The following RANBP3 variants were observed in gnomAD, a reference collection of about 807,000 sequenced individuals.
RANBP3 encodes the protein ran-binding protein 3.
Under a neutral mutation model 77.3 loss-of-function variants are expected in RANBP3, and 14 were observed. The observed-to-expected ratio is 0.18, with a 90% CI of 0.12 to 0.28. The LOEUF (loss-of-function observed/expected upper bound fraction) is 0.28, where lower values mean the gene tolerates loss of function less well. RANBP3 is among the 10% of genes least tolerant of loss of function. RANBP3 has a pLI of 1.00. For missense variants in RANBP3, 586 were observed against 752.3 expected, an observed-to-expected ratio of 0.78 and a Z score of 2.59; for synonymous variants, 315 against 312.4, an observed-to-expected ratio of 1.01 and a Z score of -0.09.
At chr19:5,942,106 G>A (rs2058145437) in intron 3 of RANBP3, among the ~76,000 whole-genome samples, 1 of 152,116 alleles carries the variant, frequency 6.6e-6, no homozygotes, top group Admixed American at 6.6e-5. Flanking sequence ...TTCTCCACAG[G>A]TTACGCTAAC....
intron 5 of RANBP3, among the ~76,000 whole-genome samples, chr19:5,939,793 C>G (rs577877542): frequency 1.3e-5 from 2 of 152,316 alleles, no homozygotes; most frequent in Admixed American, 6.5e-5. Context: ...GGTCTCCAGC[C>G]CGACGGCCTT....
Position 5,932,571 on chromosome 19 carries a change from T to C in RANBP3, c.473-27A>G, listed in dbSNP as rs563624595. ...TAGGAACAGAAGGCGGCCTTCCCAG[T>C]GCCCGTGGACCCCTGCCTGCCCCCA... On this transcript the variant is annotated intron_variant, in intron 6 of 16. Coordinates refer to ENST00000340578, the MANE Select transcript of RANBP3 (RefSeq NM_007322.3). 11 of 1,598,096 alleles carry C rather than the reference T, an allele frequency of 6.9e-6. No homozygotes were observed. The South Asian group carries it at 9.9e-5, about 14-fold the overall frequency.
chr19:5,923,627 C>T (rs1019326307), intron 12 of RANBP3, among the ~76,000 whole-genome samples, 185 bp downstream of exon 12: 1 of 152,184 alleles, frequency 6.6e-6, no homozygotes, highest in Non-Finnish European at 1.5e-5. Context: ...GCGACACAGG[C>T]CCTCGAGTTC....
At chr19:5,951,349 G>T in intron 3 of RANBP3, 44 bp downstream of exon 3, 1 of 1,518,422 alleles carries the variant, frequency 6.6e-7, no homozygotes, top group Middle Eastern at 2.2e-4. Flanking sequence ...GTCTGGGTTG[G>T]GCTCCCCCTG....
intron 12 of RANBP3, 31 bp from the exon 13 acceptor site, chr19:5,923,334 G>A (rs2057852545): frequency 1.3e-6 from 2 of 1,599,532 alleles, no homozygotes; most frequent in Non-Finnish European, 1.7e-6. Context: ...AAGACTGACT[G>A]ATTATTTGGC....
At chr19:5,933,655 G>A (rs538311439) in intron 5 of RANBP3, 176 bp from the exon 6 acceptor site, 144 of 545,198 alleles carry the variant, frequency 2.6e-4, no homozygotes, top group Admixed American at 1.5e-3. Flanking sequence ...CCTGGAAGGC[G>A]CCTGGAGGAG....
At chr19:5,964,112 T>G (rs867194608) in intron 1 of RANBP3, among the ~76,000 whole-genome samples, 28 of 152,210 alleles carry the variant, frequency 1.8e-4, no homozygotes, top group African/African-American at 6.7e-4. Context: ...CTCAACCCAC[T>G]TGTGAGGCTC....
Position 5,951,502 on chromosome 19 carries a change from G to T in RANBP3, c.173C>A (p.Ala58Asp). The stretch of plus-strand genomic sequence containing the variant: ...AGGAGGTTCTAGGGCATGCTCGCCA[G>T]CTGACTCGGGGTGACCCGTGCCATG... ...PHHGTGHPESAGEHALEPPAP... is the reference protein window; with the variant it reads ...PHHGTGHPESDGEHALEPPAP... Residue 58 changes from alanine (A) to aspartate (D), a missense_variant, in exon 3 of 17, where the codon GCT becomes GAT. Around this residue, in one of 5 missense-constraint regions of RANBP3, gnomAD observed 172 missense variants for 183.4 expected, o/e 0.94. Coordinates refer to ENST00000340578, the MANE Select transcript of RANBP3 (RefSeq NM_007322.3). The T allele has an allele frequency of 1.2e-6, 2 of 1,611,302 alleles. No individual in the cohort carries two copies. Among genetic ancestry groups the T allele is most frequent in the Non-Finnish European group, 1.7e-6 (2 of 1,178,394 alleles).
intron 13 of RANBP3, 59 bp downstream of exon 13, chr19:5,923,135 G>C: frequency 1.4e-6 from 2 of 1,385,090 alleles, no homozygotes; most frequent in South Asian, 2.3e-5. Context: ...CAGCCCTTGC[G>C]GTTGGACCCC....
intron 1 of RANBP3, among the ~76,000 whole-genome samples, chr19:5,969,206 G>A (rs1395798320): frequency 6.6e-6 from 1 of 152,178 alleles, no homozygotes; most frequent in African/African-American, 2.4e-5. Flanking sequence ...AAAGGTTGGG[G>A]CCCAGGCTCT....
At position 5,921,972 on chromosome 19, in the gene RANBP3, T is replaced by G. The variant is rs561351135; in HGVS notation, c.1210-651A>C. ...AGGCCACATAGTGCGTTGATGCCATTTATATGAAATGTCAAGGACAGGCAA... is the reference window on the plus strand; with the variant it reads ...AGGCCACATAGTGCGTTGATGCCATGTATATGAAATGTCAAGGACAGGCAA... On this transcript the variant is annotated intron_variant, in intron 13 of 16. Transcript: ENST00000340578. This position sits in a 1 kb window ranked among gnomAD's most constrained non-coding sequence, Gnocchi z 5.3. Among the ~76,000 whole-genome samples the G allele has an allele frequency of 6.6e-6, 1 of 152,188 alleles. No individual in the cohort carries two copies. Among genetic ancestry groups the G allele is most frequent in the Admixed American group, 6.5e-5 (1 of 15,292 alleles).
chr19:5,918,720 A>G, intron 14 of RANBP3, 82 bp from the exon 15 acceptor site: 1 of 1,524,136 alleles, frequency 6.6e-7, no homozygotes. Context: ...AACACAGTCC[A>G]GATGGAAAGC....
chr19:5,943,748 A>G (rs1034544371), intron 3 of RANBP3, among the ~76,000 whole-genome samples: 1 of 152,232 alleles, frequency 6.6e-6, no homozygotes, highest in African/African-American at 2.4e-5. Flanking sequence ...AGGGCTGATT[A>G]TCACTATCCC....
In RANBP3 at chr19:5,932,443, G is replaced by A. The variant is rs1198592044; in HGVS notation, c.565+9C>T. 1 of 1,612,964 alleles carries A rather than the reference G, an allele frequency of 6.2e-7. No individual in the cohort carries two copies. Among genetic ancestry groups the A allele is most frequent in the Non-Finnish European group, 8.5e-7 (1 of 1,179,364 alleles). ...TCTGGGCCTGGGCGCCAGGGCTGCT[G>A]TTTCTTACCAGTCTGGGACAGCGCC... On this transcript the variant is annotated intron_variant, in intron 7 of 16. Coordinates refer to ENST00000340578, the MANE Select transcript of RANBP3 (RefSeq NM_007322.3).
At chr19:5,948,476 T>TC (rs2058236049) in intron 3 of RANBP3, among the ~76,000 whole-genome samples, 1 of 150,684 alleles carries the variant, frequency 6.6e-6, no homozygotes, top group African/African-American at 2.4e-5. Context: ...AAAGATAAAT[T>TC]CCCCCTAGAA....
At chr19:5,931,583 C>G (rs775941564) in intron 7 of RANBP3, 52 bp from the exon 8 acceptor site, 1 of 1,563,032 alleles carries the variant, frequency 6.4e-7, no homozygotes, top group Admixed American at 1.7e-5. Flanking sequence ...GGCCCTCCCA[C>G]CCCCACTCAC....
chr19:5,945,852 C>G (rs551773025), intron 3 of RANBP3, among the ~76,000 whole-genome samples: 1 of 151,898 alleles, frequency 6.6e-6, no homozygotes, highest in East Asian at 2.0e-4. Flanking sequence ...CTAGAAGCAG[C>G]CCCGGGAACA....
At chr19:5,946,803 C>A (rs2145163917) in intron 3 of RANBP3, among the ~76,000 whole-genome samples, 1 of 152,324 alleles carries the variant, frequency 6.6e-6, no homozygotes, top group South Asian at 2.1e-4. Context: ...ACCTTTAAGC[C>A]ACCCAGCCCT....
intron 2 of RANBP3, among the ~76,000 whole-genome samples, chr19:5,955,782 G>T (rs2058328336): frequency 6.6e-6 from 1 of 152,184 alleles, no homozygotes; most frequent in Non-Finnish European, 1.5e-5. Context: ...TACTACTGCT[G>T]TAGCAGCCAC....
Sources: allele counts gnomAD v4.1 joint callset (sites outside exome capture counted in the v4.1 genomes callset), GRCh38; gene constraint gnomAD v4.1.1; regional missense constraint gnomAD v4.1.1; non-coding constraint Gnocchi (gnomAD v3.1); transcripts MANE v1.5; gene names NCBI Gene and HGNC (gene_info 2026-07-23, HGNC 2026-07-21).